The following CCDC40 variants were observed in gnomAD, a reference collection of about 807,000 sequenced individuals.
CCDC40 encodes coiled-coil domain-containing protein 40.
CCDC40 carries 104 observed loss-of-function variants against 124.5 expected under a neutral mutation model. The ratio of observed to expected loss-of-function variants is 0.84; its 90% CI spans 0.71 to 0.98. CCDC40 has a LOEUF of 0.98. CCDC40 is among the 50% of genes least tolerant of loss of function. The probability of loss-of-function intolerance (pLI) is 0.00; values close to 1 mark genes in which losing one functional copy is unlikely to be tolerated. For synonymous variants in CCDC40, 580 were observed against 602.9 expected, an observed-to-expected ratio of 0.96 and a Z score of 0.56; for missense variants, 1,463 against 1,503.9, an observed-to-expected ratio of 0.97 and a Z score of 0.45.
chr17:80,037,688 A>AAAAAAAAAAT, intron 1 of CCDC40, among the ~76,000 whole-genome samples: 4 of 45,712 alleles, frequency 8.8e-5, no homozygotes, highest in Non-Finnish European at 1.6e-4. Flanking sequence ...TTTTTTAAAA[A>AAAAAAAAAAT]AGATATACAT....
intron 7 of CCDC40, among the ~76,000 whole-genome samples, chr17:80,055,860 T>A (rs72849316): frequency 0.087 from 12,992 of 150,102 alleles, 665 homozygotes; most frequent in Non-Finnish European, 0.12. Context: ...CATCTTGCTC[T>A]GTTTCCCAGG....
At chr17:80,049,789 C>T (rs1336708844) in intron 5 of CCDC40, 117 bp from the exon 6 acceptor site, 4 of 804,690 alleles carry the variant, frequency 5.0e-6, no homozygotes, top group Non-Finnish European at 8.7e-6. Context: ...GGGAGCACTC[C>T]ACACGGAAGT....
chr17:80,091,008 C>T (rs1312715393), intron 17 of CCDC40, among the ~76,000 whole-genome samples: 2 of 152,218 alleles, frequency 1.3e-5, no homozygotes, highest in Admixed American at 1.3e-4. Flanking sequence ...CTCCCTGTCC[C>T]TTCTTCCCCG....
chr17:80,071,335 C>T (rs1425653060), intron 10 of CCDC40, among the ~76,000 whole-genome samples: 2 of 152,234 alleles, frequency 1.3e-5, no homozygotes, highest in Admixed American at 1.3e-4. Flanking sequence ...AGCCACACGG[C>T]CTCACAGCCT....
chr17:80,074,597 T>C (rs1487136561), intron 10 of CCDC40, among the ~76,000 whole-genome samples: 1 of 152,024 alleles, frequency 6.6e-6, no homozygotes, highest in African/African-American at 2.4e-5. Context: ...CTGGGCAACA[T>C]AGCAAGAGCC....
At chr17:80,065,371 C>A in intron 9 of CCDC40, 114 bp from the exon 10 acceptor site, 1 of 1,384,100 alleles carries the variant, frequency 7.2e-7, no homozygotes, top group Non-Finnish European at 1.0e-6. Flanking sequence ...AAGGAAAGTA[C>A]CGGTGATAGA....
chr17:80,095,734 C>T (rs943616481), intron 18 of CCDC40, among the ~76,000 whole-genome samples: 1 of 152,332 alleles, frequency 6.6e-6, no homozygotes, highest in Admixed American at 6.5e-5. Context: ...TGCTACGGGG[C>T]CTGTCTGGGA....
chr17:80,084,693 G>A lies in CCDC40; in HGVS notation c.1990-50G>A, dbSNP rs768072028. 77 of 1,610,120 alleles carry A rather than the reference G, an allele frequency of 4.8e-5. No individual in the cohort carries two copies. The South Asian group carries it at 7.4e-4, about 15-fold the overall frequency. ...AACGGTGGATCAGCAAACTCGTCCCGGGCCTTGGGTGGGGGCAATATTCAC... is the reference window on the plus strand; with the variant it reads ...AACGGTGGATCAGCAAACTCGTCCCAGGCCTTGGGTGGGGGCAATATTCAC... On this transcript the variant is annotated intron_variant, in intron 12 of 19. Coordinates refer to ENST00000397545, the MANE Select transcript of CCDC40 (RefSeq NM_017950.4).
Position 80,089,665 on chromosome 17 carries a change from A to C in CCDC40, c.2712-99A>C. Reference sequence around the variant, plus strand: ...TCTGTCGCAGCTGCTTGGCTCTGCCATTGCAGCTTGAGAGCCTTGTAAAGC... The same window carrying C: ...TCTGTCGCAGCTGCTTGGCTCTGCCCTTGCAGCTTGAGAGCCTTGTAAAGC... On this transcript the variant is annotated intron_variant, in intron 16 of 19. Coordinates refer to ENST00000397545, the MANE Select transcript of CCDC40 (RefSeq NM_017950.4). The C allele has an allele frequency of 2.1e-6, 3 of 1,422,728 alleles. No homozygotes were observed. The South Asian group carries it at 3.5e-5, about 16-fold the overall frequency. 88.1% of individuals were successfully genotyped at this position (1,422,728 alleles called of 1,614,324 possible).
At position 80,097,255 on chromosome 17, in the gene CCDC40, A is replaced by G; in HGVS notation, c.3032A>G (p.Glu1011Gly). ...KIRDVRKATDECTKTVLELEE... is the reference protein window; with the variant it reads ...KIRDVRKATDGCTKTVLELEE... ...CTGTGATTCTCCTAGGCCACCGATG[A>G]GTGCACCAAAACCGTCCTGGAACTG... The change falls in exon 19 of 20, where the codon GAG (glutamate) becomes GGG (glycine). Residue 1011 changes from glutamate to glycine, a missense_variant. Coordinates refer to ENST00000397545, the MANE Select transcript of CCDC40 (RefSeq NM_017950.4). 6.2e-7 allele frequency: 1 copy of G among 1,613,980 alleles called. No individual in the cohort carries two copies. The highest frequency in any genetic ancestry group is 8.5e-7 in the Non-Finnish European group (1 of 1,180,018).
At chr17:80,048,990 C>G (rs764856086) in intron 5 of CCDC40, among the ~76,000 whole-genome samples, 4 of 152,138 alleles carry the variant, frequency 2.6e-5, no homozygotes, top group Admixed American at 2.6e-4. Context: ...ACCACTGCCC[C>G]GTGGGGCCGG....
Position 80,040,074 on chromosome 17 carries a change from C to G in CCDC40, c.356C>G (p.Pro119Arg), listed in dbSNP as rs2143577479. The G allele has an allele frequency of 6.2e-7, 1 of 1,614,154 alleles. No homozygotes were observed. Among genetic ancestry groups the G allele is most frequent in the East Asian group, 2.2e-5 (1 of 44,890 alleles). ...AADTTYPYFS[P>R]PQELPGEEAY... The stretch of plus-strand genomic sequence containing the variant: ...GATACGACTTACCCGTATTTCAGTC[C>G]TCCTCAGGAACTGCCTGGAGAGGAG... Residue 119 changes from proline to arginine, a missense_variant, in exon 3 of 20, where the codon CCT (proline) becomes CGT (arginine). Physicochemically the swap from Pro to Arg is moderately radical, Grantham distance 103. Coordinates refer to ENST00000397545, the MANE Select transcript of CCDC40 (RefSeq NM_017950.4).
At position 80,090,265 on chromosome 17, in the gene CCDC40, G is replaced by T. The variant is rs7207166; in HGVS notation, c.2832+381G>T. 8.6e-5 allele frequency: 50 copies of T among 582,290 alleles called. 9 individuals carry two copies. The highest frequency in any genetic ancestry group is 1.7e-4 in the East Asian group (3 of 17,676). 36.1% of individuals were successfully genotyped at this position (582,290 alleles called of 1,614,324 possible). The stretch of plus-strand genomic sequence containing the variant: ...TGCACGAACAACACGGGACGCGCGC[G>T]GGCACGTGCACGAACAACACGGGAC... On this transcript the variant is annotated intron_variant, in intron 17 of 19. Coordinates refer to ENST00000397545, the MANE Select transcript of CCDC40 (RefSeq NM_017950.4).
chr17:80,071,340 C>A (rs936102512), intron 10 of CCDC40, among the ~76,000 whole-genome samples: 3 of 152,240 alleles, frequency 2.0e-5, no homozygotes, highest in African/African-American at 7.2e-5. Context: ...CACGGCCTCA[C>A]AGCCTCCTCC....
At chr17:80,090,367 C>T (rs1267909422) in intron 17 of CCDC40, 1 of 1,067,048 alleles carries the variant, frequency 9.4e-7, no homozygotes, top group Non-Finnish European at 1.3e-6. Flanking sequence ...CAGGCACGTG[C>T]ACGAACACAG....
At position 80,086,466 on chromosome 17, in the gene CCDC40, G is replaced by A; in HGVS notation, c.2449+250G>A. ...TGGCTCCAAGCTCACGGACTTCAGA[G>A]CTCTCCTTGAGAGAGGAGCATGGAA... On this transcript the variant is annotated intron_variant, in intron 14 of 19. Transcript: ENST00000397545. The surrounding 1 kb of genome is among the most constrained non-coding windows in gnomAD (Gnocchi z 5.5). 2.1e-6 allele frequency: 1 copy of A among 487,102 alleles called. No homozygotes were observed. The highest frequency in any genetic ancestry group is 3.8e-6 in the Non-Finnish European group (1 of 265,062). 30.2% of individuals were successfully genotyped at this position (487,102 alleles called of 1,614,324 possible).
chr17:80,041,427 G>C (rs570715337), intron 3 of CCDC40, among the ~76,000 whole-genome samples: 1 of 151,754 alleles, frequency 6.6e-6, no homozygotes, highest in Non-Finnish European at 1.5e-5. Context: ...AGAATCACTT[G>C]AACTGGAGAG....
At chr17:80,064,925 C>G (rs570226269) in intron 9 of CCDC40, among the ~76,000 whole-genome samples, 2 of 151,964 alleles carry the variant, frequency 1.3e-5, no homozygotes, top group Non-Finnish European at 1.5e-5. Context: ...GTGCTGGGCC[C>G]GTCCTGTGGG....
In CCDC40 at chr17:80,086,637, T is replaced by C. The variant is rs1432180981; in HGVS notation, c.2449+421T>C. On this transcript the variant is annotated intron_variant, in intron 14 of 19. Transcript: ENST00000397545. The surrounding 1 kb of genome is among the most constrained non-coding windows in gnomAD (Gnocchi z 5.5). ...CCATTCCACCGGGGCTCCCCAACCC[T>C]TCTGAGGCCCAAGGGGCTGCCAAAG... The C allele has an allele frequency of 3.8e-6, 1 of 260,198 alleles. No homozygotes were observed. 16.1% of individuals were successfully genotyped at this position (260,198 alleles called of 1,614,324 possible). A position where few individuals can be genotyped will look rare whatever the true frequency, so the allele number is the denominator to read the frequency against.
Sources: gnomAD v4.1 joint callset for allele counts (sites outside exome capture counted in the v4.1 genomes callset) on GRCh38, gnomAD v4.1.1 for gene constraint, Gnocchi (gnomAD v3.1) non-coding constraint, MANE v1.5 for transcripts, NCBI Gene and HGNC (gene_info 2026-07-23, HGNC 2026-07-21) for gene names.